The following TRUB1 variants were observed in gnomAD, a reference collection of about 807,000 sequenced individuals.
The protein encoded by TRUB1 is TruB pseudouridine synthase family member 1, also known as pseudouridylate synthase TRUB1.
In TRUB1, 23 loss-of-function variants were observed where a neutral mutation model predicts 33.9. The observed-to-expected ratio is 0.68, with a 90% CI of 0.49 to 0.96. The LOEUF is 0.96. Among genes scored for constraint, TRUB1 ranks in the 40% least tolerant of loss-of-function variants. TRUB1 has a pLI of 0.00. For missense variants in TRUB1, 378 were observed against 422.2 expected (o/e 0.90, Z 0.92); for synonymous variants, 163 against 165.4 (o/e 0.99, Z 0.11).
chr10:114,971,727 A>G (rs1026311512), intron 5 of TRUB1, among the ~76,000 whole-genome samples: 17 of 152,216 alleles, frequency 1.1e-4, no homozygotes, highest in African/African-American at 3.9e-4. Flanking sequence ...ATAAAAATGA[A>G]TATTATAGTA....
At chr10:114,941,266 T>C (rs1269815912) in intron 1 of TRUB1, among the ~76,000 whole-genome samples, 1 of 152,164 alleles carries the variant, frequency 6.6e-6, no homozygotes, top group Non-Finnish European at 1.5e-5. Flanking sequence ...AAAAACAATT[T>C]ATATTTATCC....
intron 1 of TRUB1, among the ~76,000 whole-genome samples, chr10:114,940,771 TAA>T (rs2084183049): frequency 6.6e-6 from 1 of 152,210 alleles, no homozygotes; most frequent in Admixed American, 6.5e-5. Flanking sequence ...GTTGAAAATG[TAA>T]AGAGTTCCCC....
In TRUB1 at chr10:114,942,759, G is replaced by A. The variant is rs1450016129; in HGVS notation, c.385+16G>A. On this transcript the variant is annotated intron_variant, in intron 2 of 7. Coordinates refer to ENST00000298746, the MANE Select transcript of TRUB1 (RefSeq NM_139169.5). ...GGAGTTCTGGGTAAGAGATATGAAA[G>A]GCAGTTAAGTGTCCACTGTCACTTA... 2.6e-6 allele frequency: 4 copies of A among 1,540,106 alleles called. No individual in the cohort carries two copies. The highest frequency in any genetic ancestry group is 3.6e-6 in the Non-Finnish European group (4 of 1,113,278).
At chr10:114,949,255 A>C (rs1182903913) in intron 2 of TRUB1, among the ~76,000 whole-genome samples, 1 of 152,194 alleles carries the variant, frequency 6.6e-6, no homozygotes, top group Non-Finnish European at 1.5e-5. Flanking sequence ...TGTGCATAGT[A>C]GTTGTTCAAG....
intron 1 of TRUB1, 142 bp downstream of exon 1, chr10:114,938,681 C>G: frequency 1.1e-6 from 1 of 946,672 alleles, no homozygotes; most frequent in South Asian, 2.3e-5. Flanking sequence ...GGACAGGAAT[C>G]TCGGGCATCT....
intron 4 of TRUB1, among the ~76,000 whole-genome samples, chr10:114,967,990 G>A (rs751832566): frequency 6.6e-6 from 1 of 152,108 alleles, no homozygotes; most frequent in Non-Finnish European, 1.5e-5. Context: ...TTCAGCAGAT[G>A]TCTTGAGTGC....
intron 6 of TRUB1, among the ~76,000 whole-genome samples, chr10:114,973,918 C>A (rs536971611): frequency 6.6e-6 from 1 of 151,992 alleles, no homozygotes; most frequent in African/African-American, 2.4e-5. Context: ...AAAAATCTAC[C>A]GCTCATGATG....
At chr10:114,962,947 T>G (rs893561883) in intron 4 of TRUB1, among the ~76,000 whole-genome samples, 3 of 152,224 alleles carry the variant, frequency 2.0e-5, no homozygotes, top group African/African-American at 7.2e-5. Context: ...TCTGCTGCTG[T>G]CTTCTCATCC....
chr10:114,946,954 G>A (rs2084214004), intron 2 of TRUB1, among the ~76,000 whole-genome samples: 1 of 152,132 alleles, frequency 6.6e-6, no homozygotes, highest in Non-Finnish European at 1.5e-5. Context: ...GTTGTAGATG[G>A]AATTGATGTT....
At chr10:114,948,857 T>C (rs1392055679) in intron 2 of TRUB1, among the ~76,000 whole-genome samples, 2 of 152,380 alleles carry the variant, frequency 1.3e-5, no homozygotes, top group South Asian at 2.1e-4. Flanking sequence ...ATAAACCTAC[T>C]GTTCTCATCC....
intron 7 of TRUB1, among the ~76,000 whole-genome samples, chr10:114,974,711 A>T (rs1326936960): frequency 6.6e-6 from 1 of 152,142 alleles, no homozygotes; most frequent in Non-Finnish European, 1.5e-5. Flanking sequence ...TAACCTTCTA[A>T]AAGTTATTTT....
intron 4 of TRUB1, among the ~76,000 whole-genome samples, chr10:114,965,830 T>C (rs752792131): frequency 6.6e-6 from 1 of 152,184 alleles, no homozygotes; most frequent in Non-Finnish European, 1.5e-5. Flanking sequence ...TTCAAAAATA[T>C]TGGTATAAAG....
chr10:114,959,008 T>A (rs537070352), intron 3 of TRUB1, among the ~76,000 whole-genome samples: 2 of 151,894 alleles, frequency 1.3e-5, no homozygotes, highest in East Asian at 3.9e-4. Context: ...TGGTGGCGGG[T>A]GCCTGTAATC....
intron 3 of TRUB1, among the ~76,000 whole-genome samples, chr10:114,959,188 A>G (rs951279739): frequency 3.9e-5 from 6 of 152,190 alleles, no homozygotes; most frequent in African/African-American, 1.4e-4. Context: ...TAATTCTGTG[A>G]CTATACTGGT....
chr10:114,949,776 G>A lies in TRUB1; in HGVS notation c.386-1318G>A, dbSNP rs555781451. 8.6e-4 allele frequency among the ~76,000 whole-genome samples: 131 copies of A among 152,206 alleles called. 2 individuals carry two copies. Among genetic ancestry groups the A allele is most frequent in the African/African-American group, 2.3e-3 (96 of 41,550 alleles). ...GGAAAGGAAGGGGGGTCTGTTCTTA[G>A]ACCATTTGGTTTGAATCTTAACTCT... On this transcript the variant is annotated intron_variant, in intron 2 of 7. Transcript: ENST00000298746.
chr10:114,967,837 C>T (rs2084317142), intron 4 of TRUB1, among the ~76,000 whole-genome samples: 1 of 152,168 alleles, frequency 6.6e-6, no homozygotes, highest in Non-Finnish European at 1.5e-5. Context: ...ACTACATACT[C>T]ATGTACCACA....
At chr10:114,973,347 G>A (rs938783986) in intron 6 of TRUB1, among the ~76,000 whole-genome samples, 2 of 152,290 alleles carry the variant, frequency 1.3e-5, no homozygotes, top group African/African-American at 4.8e-5. Context: ...TTATTGACTA[G>A]GGAGAGTGTA....
chr10:114,938,479 A>G lies in TRUB1; in HGVS notation c.226A>G (p.Lys76Glu), dbSNP rs2084170261. 6.3e-7 allele frequency: 1 copy of G among 1,589,772 alleles called. No homozygotes were observed. Among genetic ancestry groups the G allele is most frequent in the Non-Finnish European group, 8.5e-7 (1 of 1,170,198 alleles). The change falls in exon 1 of 8, where the codon AAG (lysine) becomes GAG (glutamate). Residue 76 changes from lysine (K) to glutamate (E), a missense_variant. By Grantham distance (56) the Lys-to-Glu change is moderately conservative. Coordinates refer to ENST00000298746, the MANE Select transcript of TRUB1 (RefSeq NM_139169.5). ...CTTGAGCGGCGTGTTCGCCGTGCACAAGCCCAAAGGGCCCACTTCAGCCGA... is the reference window on the plus strand; with the variant it reads ...CTTGAGCGGCGTGTTCGCCGTGCACGAGCCCAAAGGGCCCACTTCAGCCGA... ...LSLSGVFAVH[K>E]PKGPTSAELL... is the part of the protein sequence containing the mutation.
At chr10:114,972,395 A>G (rs1476383505) in intron 6 of TRUB1, 121 bp downstream of exon 6, 2 of 1,131,900 alleles carry the variant, frequency 1.8e-6, no homozygotes, top group Non-Finnish European at 2.5e-6. Flanking sequence ...TTTGAATTTA[A>G]GGAAAGTTAG....
Sources: allele counts gnomAD v4.1 joint callset (sites outside exome capture counted in the v4.1 genomes callset), GRCh38; gene constraint gnomAD v4.1.1; transcripts MANE v1.5; gene names NCBI Gene and HGNC (gene_info 2026-07-23, HGNC 2026-07-21).